Variants in F11R observed in about 807,000 individuals in gnomAD.
The protein encoded by F11R is junctional adhesion molecule A.
In F11R, 27 loss-of-function variants were observed where a neutral mutation model predicts 39.3. That is an observed-to-expected ratio of 0.69 (90% CI 0.51 to 0.95). The LOEUF is 0.95. Ranked by LOEUF, F11R falls within the 40% of genes least tolerant of loss-of-function variation. The pLI is 0.00. For missense variants in F11R, 335 were observed against 372.7 expected (o/e 0.90, Z 0.83); for synonymous variants, 131 against 144.9 (o/e 0.90, Z 0.69).
intron 1 of F11R, among the ~76,000 whole-genome samples, chr1:161,015,878 C>T (rs1011567649): frequency 6.6e-6 from 1 of 151,588 alleles, no homozygotes; most frequent in East Asian, 1.9e-4. Context: ...AATGAGATAC[C>T]CCACCCCTTT....
chr1:161,013,453 A>G (rs1571020211), intron 1 of F11R, among the ~76,000 whole-genome samples: 1 of 152,204 alleles, frequency 6.6e-6, no homozygotes, highest in Admixed American at 6.5e-5. Context: ...TAGAACCTGG[A>G]CCTAGAGCTT....
At position 160,996,662 on chromosome 1, in the gene F11R, A is replaced by C. The variant is rs1648140247; in HGVS notation, c.*2209T>G. On this transcript the variant is annotated 3_prime_UTR_variant, in exon 10 of 10. Transcript: ENST00000368026. ...GCACCCGTAATCCCAGCTACTCAGG[A>C]GACTGAGGCAGGAGAATGGCTTGAA... The C allele has an allele frequency of 6.6e-6, 1 of 152,300 alleles. No individual in the cohort carries two copies. The allele number at this position is 152,300 out of a possible 1,614,324, so 9.4% of individuals were successfully genotyped here.
chr1:161,004,380 C>T (rs559017753), intron 1 of F11R, among the ~76,000 whole-genome samples: 39 of 152,132 alleles, frequency 2.6e-4, no homozygotes, highest in African/African-American at 9.4e-4. Context: ...GCCAACGTGG[C>T]GAAACCTTAT....
At chr1:161,008,417 G>C (rs531173957) in intron 1 of F11R, among the ~76,000 whole-genome samples, 32 of 152,164 alleles carry the variant, frequency 2.1e-4, no homozygotes, top group African/African-American at 7.7e-4. Flanking sequence ...CAGTAGAATG[G>C]CGTGAACCCG....
intron 5 of F11R, 63 bp from the exon 6 acceptor site, chr1:161,000,041 CTT>C: frequency 6.3e-7 from 1 of 1,595,796 alleles, no homozygotes; most frequent in South Asian, 1.1e-5. Context: ...TTTAATGTCT[CTT>C]GACCCCAGTT....
intron 1 of F11R, among the ~76,000 whole-genome samples, chr1:161,013,095 A>G (rs1461397692): frequency 4.6e-5 from 7 of 151,772 alleles, no homozygotes; most frequent in African/African-American, 1.7e-4. Flanking sequence ...CCCATCCTCT[A>G]AACTCAAGTA....
In F11R at chr1:160,999,776, C is replaced by T. The variant is rs142730492; in HGVS notation, c.695-29G>A. 5.4e-4 allele frequency: 864 copies of T among 1,611,126 alleles called. 5 individuals are homozygous for T. The African/African-American group carries it at 9.6e-3, about 18-fold the overall frequency. Reference sequence around the variant, plus strand: ...CGAGACACAAATAAGAAGTCAGGCACGGGGATACTCACTCACGGCACCTAC... The same window carrying T: ...CGAGACACAAATAAGAAGTCAGGCATGGGGATACTCACTCACGGCACCTAC... On this transcript the variant is annotated intron_variant, in intron 6 of 9. Transcript: ENST00000368026.
chr1:161,008,722 C>T (rs149874406), intron 1 of F11R, among the ~76,000 whole-genome samples: 30 of 152,356 alleles, frequency 2.0e-4, no homozygotes, highest in African/African-American at 6.3e-4. Context: ...TAAGGCCACA[C>T]AGTGAGTGGT....
At chr1:161,015,590 CAAA>C (rs35166075) in intron 1 of F11R, among the ~76,000 whole-genome samples, 11 of 127,876 alleles carry the variant, frequency 8.6e-5, no homozygotes, top group Non-Finnish European at 1.1e-4. Flanking sequence ...GACTTTGTCT[CAAA>C]AAAAAAAAAA....
intron 1 of F11R, among the ~76,000 whole-genome samples, chr1:161,014,635 C>T (rs1238229101): frequency 1.3e-5 from 2 of 152,164 alleles, no homozygotes; most frequent in Non-Finnish European, 2.9e-5. Context: ...TTGCTTGAAC[C>T]CAGGAGGTCA....
At chr1:161,017,939 C>A (rs117719305) in intron 1 of F11R, among the ~76,000 whole-genome samples, 3 of 152,158 alleles carry the variant, frequency 2.0e-5, no homozygotes, top group East Asian at 1.9e-4. Flanking sequence ...GCCCTGCCCA[C>A]GCGGAACTCT....
intron 1 of F11R, among the ~76,000 whole-genome samples, chr1:161,008,062 G>A (rs985967881): frequency 5.3e-5 from 8 of 152,110 alleles, no homozygotes; most frequent in Admixed American, 2.0e-4. Context: ...ACTGATGTAC[G>A]TGGTAAACGA....
At chr1:161,009,458 CAAA>C (rs60908472) in intron 1 of F11R, among the ~76,000 whole-genome samples, 2 of 139,166 alleles carry the variant, frequency 1.4e-5, no homozygotes, top group African/African-American at 2.7e-5. Context: ...CCATCTGTAC[CAAA>C]AAAAAAAAAA....
At chr1:161,011,960 C>T (rs569437815) in intron 1 of F11R, among the ~76,000 whole-genome samples, 1 of 152,196 alleles carries the variant, frequency 6.6e-6, no homozygotes, top group South Asian at 2.1e-4. Flanking sequence ...ACTCTCTTCT[C>T]GTCTATGCTC....
intron 1 of F11R, among the ~76,000 whole-genome samples, chr1:161,010,731 A>C (rs1649105053): frequency 6.6e-6 from 1 of 152,044 alleles, no homozygotes; most frequent in African/African-American, 2.4e-5. Flanking sequence ...CACGCCTGTA[A>C]TCCCAGCACT....
chr1:161,000,921 G>A (rs1046014457), intron 3 of F11R, 99 bp downstream of exon 3: 3 of 1,462,270 alleles, frequency 2.1e-6, no homozygotes, highest in Non-Finnish European at 2.9e-6. Context: ...CAGCCCCAGG[G>A]TGTGCCCTGG....
At chr1:161,012,087 A>C (rs1189547270) in intron 1 of F11R, among the ~76,000 whole-genome samples, 1 of 152,132 alleles carries the variant, frequency 6.6e-6, no homozygotes, top group Non-Finnish European at 1.5e-5. Flanking sequence ...AGCTCCCAGC[A>C]CTACACTTTG....
chr1:161,002,012 AC>A (rs1260592756), intron 1 of F11R, among the ~76,000 whole-genome samples: 3 of 151,928 alleles, frequency 2.0e-5, no homozygotes, highest in Non-Finnish European at 4.4e-5. Flanking sequence ...AGGCCTGTAA[AC>A]CCAGCACTTT....
At position 161,019,593 on chromosome 1, in the gene F11R, C is replaced by CAAA. The variant is rs1055209744; in HGVS notation, c.64+1414_64+1416dup. Among the ~76,000 whole-genome samples, 110 of 47,954 alleles carry CAAA rather than the reference C, an allele frequency of 2.3e-3. 1 individual carries two copies. Among genetic ancestry groups the CAAA allele is most frequent in the Admixed American group, 0.014 (62 of 4,556 alleles). 31.5% of individuals were successfully genotyped at this position (47,954 alleles called of 152,430 possible). ...CTGGGCAACAAGCGAAACTCTAACT[C>CAAA]AAAAAAAAAAAAAAAAAAAGAGGGA... is the stretch of plus-strand genomic sequence containing the variant. On this transcript the variant is annotated intron_variant, in intron 1 of 9. Coordinates refer to ENST00000368026, the MANE Select transcript of F11R (RefSeq NM_016946.6).
Sources: allele counts gnomAD v4.1 joint callset (sites outside exome capture counted in the v4.1 genomes callset), GRCh38; gene constraint gnomAD v4.1.1; transcripts MANE v1.5; gene names NCBI Gene and HGNC (gene_info 2026-07-23, HGNC 2026-07-21).